Variants in DIPK1A observed in about 807,000 individuals in gnomAD.
The protein encoded by DIPK1A is family with sequence similarity 69 member A.
DIPK1A carries 27 observed loss-of-function variants against 40.8 expected under a neutral mutation model. The observed-to-expected ratio is 0.66, with a 90% CI of 0.49 to 0.91. DIPK1A has a LOEUF of 0.91. Among genes scored for constraint, DIPK1A ranks in the 40% least tolerant of loss-of-function variants. DIPK1A has a pLI of 0.00. For missense variants in DIPK1A, 412 were observed against 505.7 expected, an observed-to-expected ratio of 0.81 and a Z score of 1.78; for synonymous variants, 166 against 171.3, an observed-to-expected ratio of 0.97 and a Z score of 0.24.
At chr1:92,916,619 A>G (rs1027270209) in intron 1 of DIPK1A, among the ~76,000 whole-genome samples, 2 of 152,084 alleles carry the variant, frequency 1.3e-5, no homozygotes, top group Non-Finnish European at 1.5e-5. Context: ...CTTTTGTAAT[A>G]TGAATAAATC....
chr1:92,862,408 T>C (rs1328102264), intron 2 of DIPK1A, among the ~76,000 whole-genome samples: 1 of 152,204 alleles, frequency 6.6e-6, no homozygotes, highest in Non-Finnish European at 1.5e-5. Flanking sequence ...TTGTCCTAAA[T>C]TTCTTGTTCT....
At chr1:92,932,731 T>G (rs900456592) in intron 1 of DIPK1A, 1 of 152,210 alleles carries the variant, frequency 6.6e-6, no homozygotes, top group African/African-American at 2.4e-5. Flanking sequence ...GAATTCCAAC[T>G]ACATAATATT....
At chr1:92,897,957 T>C (rs911942848) in intron 1 of DIPK1A, among the ~76,000 whole-genome samples, 1 of 151,974 alleles carries the variant, frequency 6.6e-6, no homozygotes, top group Non-Finnish European at 1.5e-5. Context: ...AAATTAGCCA[T>C]GCGTGGTGGC....
intron 1 of DIPK1A, among the ~76,000 whole-genome samples, chr1:92,880,581 C>T (rs1303132665): frequency 1.3e-5 from 2 of 152,166 alleles, no homozygotes; most frequent in East Asian, 3.8e-4. Context: ...CCATTTAAGA[C>T]TACTTCTGGC....
intron 1 of DIPK1A, chr1:92,932,098 C>A: frequency 2.7e-6 from 1 of 370,302 alleles, no homozygotes; most frequent in Non-Finnish European, 5.5e-6. Flanking sequence ...TTAAAATATA[C>A]CAGGGTGGTA....
chr1:92,868,801 A>G (rs1256849939), intron 2 of DIPK1A, among the ~76,000 whole-genome samples: 1 of 151,978 alleles, frequency 6.6e-6, no homozygotes, highest in Non-Finnish European at 1.5e-5. Flanking sequence ...CCTTGTCTCT[A>G]CTAAAAATAA....
At chr1:92,956,443 C>T (rs573941371) in intron 1 of DIPK1A, among the ~76,000 whole-genome samples, 1 of 152,320 alleles carries the variant, frequency 6.6e-6, no homozygotes, top group South Asian at 2.1e-4. Context: ...AATCTCTGAA[C>T]AGCAGGTCTA....
intron 1 of DIPK1A, among the ~76,000 whole-genome samples, chr1:92,919,150 C>T (rs971899847): frequency 1.1e-4 from 17 of 152,160 alleles, no homozygotes; most frequent in African/African-American, 3.9e-4. Context: ...TCTACCTATA[C>T]AATAAACACT....
chr1:92,925,240 G>T (rs142319850), intron 1 of DIPK1A, among the ~76,000 whole-genome samples: 109 of 152,228 alleles, frequency 7.2e-4, no homozygotes, highest in African/African-American at 2.4e-3. Context: ...GTTCATAAGA[G>T]ATTTTTAACT....
chr1:92,866,975 T>C (rs967493260), intron 2 of DIPK1A, among the ~76,000 whole-genome samples: 1 of 152,312 alleles, frequency 6.6e-6, no homozygotes, highest in Admixed American at 6.5e-5. Flanking sequence ...GTGTGTGTCT[T>C]ATCTTCCCAG....
At chr1:92,837,826 T>A (rs1378015485), downstream of DIPK1A, 2 of 597,976 alleles carry the variant, frequency 3.3e-6, no homozygotes, top group African/African-American at 1.9e-5. Flanking sequence ...TTTGGCTACC[T>A]TTTATGCTTT....
rs1218722469 is a variant in DIPK1A, at chr1:92,843,389, G to C, written c.1281C>G (p.Asp427Glu). Residue 427 changes from aspartate (D) to glutamate (E), a missense_variant, in exon 5 of 5, where the codon GAC (aspartate) becomes GAG (glutamate). Coordinates refer to ENST00000370310, the MANE Select transcript of DIPK1A (RefSeq NM_001006605.5). ...GTAATTATGTCCAAATGAACTAAGA[G>C]TCATTAGTGTAGGAAATTTTCTTCC... The part of the protein sequence containing the change: ...LLWKKISYTN[D>E]S The C allele has an allele frequency of 6.5e-7, 1 of 1,535,568 alleles. No individual in the cohort carries two copies. The highest frequency in any genetic ancestry group is 1.4e-5 in the African/African-American group (1 of 72,482).
At chr1:92,932,423 A>G (rs7517935) in intron 1 of DIPK1A, 52,104 of 152,022 alleles carry the variant, frequency 0.34, 9,361 homozygotes, top group Non-Finnish European at 0.37. Context: ...CCTGGGCAAC[A>G]CAGCGAGACT....
At chr1:92,881,473 C>G (rs1409287205) in intron 1 of DIPK1A, among the ~76,000 whole-genome samples, 1 of 151,910 alleles carries the variant, frequency 6.6e-6, no homozygotes, top group Non-Finnish European at 1.5e-5. Flanking sequence ...TTTGCAGGAG[C>G]ATATTCTGTG....
intron 1 of DIPK1A, among the ~76,000 whole-genome samples, chr1:92,888,702 G>T (rs531067009): frequency 6.6e-6 from 1 of 152,128 alleles, no homozygotes; most frequent in South Asian, 2.1e-4. Flanking sequence ...TTTATTTTTT[G>T]TCTTTTTGAA....
At chr1:92,851,553 A>C (rs944896640) in intron 2 of DIPK1A, among the ~76,000 whole-genome samples, 1 of 95,054 alleles carries the variant, frequency 1.1e-5, no homozygotes, top group Non-Finnish European at 2.3e-5. Context: ...AAAAAAAAAA[A>C]AAAAAAAAAC....
chr1:92,907,993 T>C (rs750176021), intron 1 of DIPK1A, among the ~76,000 whole-genome samples: 1 of 152,068 alleles, frequency 6.6e-6, no homozygotes, highest in Non-Finnish European at 1.5e-5. Flanking sequence ...CAGTGGATGA[T>C]AGTGAGGAAG....
chr1:92,958,975 C>T (rs1335988412), intron 1 of DIPK1A, among the ~76,000 whole-genome samples: 1 of 152,080 alleles, frequency 6.6e-6, no homozygotes, highest in East Asian at 1.9e-4. Flanking sequence ...GATGTGATGC[C>T]TGAGGTTTAC....
Position 92,842,544 on chromosome 1 carries a change from G to GAT in DIPK1A, c.*837_*838dup. On this transcript the variant is annotated 3_prime_UTR_variant, in exon 5 of 5. Coordinates refer to ENST00000370310, the MANE Select transcript of DIPK1A (RefSeq NM_001006605.5). ...TAAGAAATAGCCCTTTGGCCCACAG[G>GAT]ATATACTGTTTGAAAATGGAAAGTT... 1 of 984,700 alleles carries GAT rather than the reference G, an allele frequency of 1.0e-6. No homozygotes were observed. The highest frequency in any genetic ancestry group is 1.2e-6 in the Non-Finnish European group (1 of 829,332). 61.0% of individuals were successfully genotyped at this position (984,700 alleles called of 1,614,324 possible).
Sources: allele counts gnomAD v4.1 joint callset (sites outside exome capture counted in the v4.1 genomes callset), GRCh38; gene constraint gnomAD v4.1.1; transcripts MANE v1.5; gene names NCBI Gene and HGNC (gene_info 2026-07-23, HGNC 2026-07-21).